Variants in SFXN4 observed in about 807,000 individuals in gnomAD.
SFXN4 encodes the protein sideroflexin 4.
In SFXN4, 48 loss-of-function variants were observed where a neutral mutation model predicts 54.6. That is an observed-to-expected ratio of 0.88 (90% CI 0.70 to 1.12). SFXN4 has a LOEUF of 1.12. Among genes scored for constraint, SFXN4 ranks in the 50% most tolerant of loss-of-function variants. SFXN4 has a pLI of 0.00. For synonymous variants in SFXN4, 130 were observed against 145.5 expected, an observed-to-expected ratio of 0.89 and a Z score of 0.77; for missense variants, 383 against 409.2, an observed-to-expected ratio of 0.94 and a Z score of 0.55.
intron 11 of SFXN4, among the ~76,000 whole-genome samples, chr10:119,151,417 T>G (rs1589632883): frequency 2.3e-4 from 3 of 12,982 alleles, no homozygotes; most frequent in Non-Finnish European, 2.8e-4. Flanking sequence ...TCCCTAGGGC[T>G]GGGGGTGGGG....
intron 3 of SFXN4, 44 bp from the exon 4 acceptor site, chr10:119,161,125 T>G (rs1303355270): frequency 6.2e-7 from 1 of 1,606,456 alleles, no homozygotes; most frequent in African/African-American, 1.3e-5. Context: ...TTTAAATTTT[T>G]TTTAAGAGAC....
intron 11 of SFXN4, 82 bp from the exon 12 acceptor site, chr10:119,147,942 G>A (rs545146458): frequency 2.9e-5 from 32 of 1,096,220 alleles, no homozygotes; most frequent in African/African-American, 2.5e-4. Context: ...AGGCCGAGGC[G>A]GGTAGATCGC....
chr10:119,151,515 TTTATTA>T (rs1554886774), intron 11 of SFXN4, among the ~76,000 whole-genome samples: 3 of 151,864 alleles, frequency 2.0e-5, no homozygotes, highest in Non-Finnish European at 4.4e-5. Flanking sequence ...GTTTCATTTA[TTTATTA>T]TTATTATTTT....
chr10:119,145,476 G>A (rs1416558084), intron 13 of SFXN4, among the ~76,000 whole-genome samples: 1 of 151,858 alleles, frequency 6.6e-6, no homozygotes, highest in Non-Finnish European at 1.5e-5. Context: ...GCTAATTTTT[G>A]TATTTTTAGT....
At position 119,141,244 on chromosome 10, in the gene SFXN4, A is replaced by G. The variant is rs1846509951; in HGVS notation, c.1012T>C (p.Ter338GlnextTer2). 1.2e-6 allele frequency: 2 copies of G among 1,610,232 alleles called. No individual in the cohort carries two copies. Among genetic ancestry groups the G allele is most frequent in the Admixed American group, 1.7e-5 (1 of 59,932 alleles). The change falls in exon 14 of 14, where the codon TAG becomes CAG. Residue 338 changes from the stop codon to glutamine, a stop_lost. Transcript: ENST00000355697. ...ETEIFYHRGV[*>Q] Reference sequence around the variant, plus strand: ...ATAAATTCACCTAAAACTCACGCCTACACCCCTCTGTGATAAAAGATTTCT... The same window carrying G: ...ATAAATTCACCTAAAACTCACGCCTGCACCCCTCTGTGATAAAAGATTTCT...
intron 13 of SFXN4, 100 bp downstream of exon 13, chr10:119,146,136 T>C: frequency 1.4e-6 from 1 of 724,294 alleles, no homozygotes. Context: ...TTATTTTATA[T>C]TTTTATAAAC....
chr10:119,150,429 C>T (rs948304303), intron 11 of SFXN4, among the ~76,000 whole-genome samples: 2 of 152,100 alleles, frequency 1.3e-5, no homozygotes, highest in African/African-American at 2.4e-5. Context: ...CACCTCCCAG[C>T]GCTCTGGGAG....
rs961179677 is a variant in SFXN4, at chr10:119,162,036, C to T, written c.252+304G>A. ...GAATTCTGGGGTTTGCCACTGGGCT[C>T]CAGGAATCAGCTGCAGGGAATCCCC... On this transcript the variant is annotated intron_variant, in intron 3 of 13. Transcript: ENST00000355697. 5 of 401,476 alleles carry T rather than the reference C, an allele frequency of 1.2e-5. No individual in the cohort carries two copies. In the East Asian group the frequency reaches 2.3e-4, roughly 18 times the overall value. The allele number at this position is 401,476 out of a possible 1,614,324, so 24.9% of individuals were successfully genotyped here. A position where few individuals can be genotyped will look rare whatever the true frequency, so the allele number is the denominator to read the frequency against.
intron 13 of SFXN4, among the ~76,000 whole-genome samples, chr10:119,145,899 T>G (rs1247847014): frequency 6.6e-6 from 1 of 152,190 alleles, no homozygotes; most frequent in African/African-American, 2.4e-5. Flanking sequence ...CATGGCTCAC[T>G]GCAGCCTCAA....
At chr10:119,153,441 AG>A (rs1847155774) in intron 11 of SFXN4, among the ~76,000 whole-genome samples, 1 of 152,040 alleles carries the variant, frequency 6.6e-6, no homozygotes. Flanking sequence ...AGAAAGAAGA[AG>A]AAAAAGAAGA....
chr10:119,157,339 G>A (rs1467863088), intron 9 of SFXN4, among the ~76,000 whole-genome samples: 1 of 151,280 alleles, frequency 6.6e-6, no homozygotes, highest in Non-Finnish European at 1.5e-5. Flanking sequence ...GCTGAGGCAG[G>A]AGAATCACTT....
At chr10:119,146,144 A>G in intron 13 of SFXN4, 92 bp downstream of exon 13, 1 of 754,118 alleles carries the variant, frequency 1.3e-6, no homozygotes, top group Non-Finnish European at 2.2e-6. Context: ...TATTTTTATA[A>G]ACTTTGCAGA....
rs1846499497 is a variant in SFXN4, at chr10:119,141,059, G to T, written c.*183C>A. The T allele has an allele frequency of 5.9e-6, 3 of 506,726 alleles. No homozygotes were observed. The highest frequency in any genetic ancestry group is 1.1e-5 in the Non-Finnish European group (3 of 281,186). The allele number at this position is 506,726 out of a possible 1,614,324, so 31.4% of individuals were successfully genotyped here. A position where few individuals can be genotyped will look rare whatever the true frequency, so the allele number is the denominator to read the frequency against. On this transcript the variant is annotated 3_prime_UTR_variant, in exon 14 of 14. Coordinates refer to ENST00000355697, the MANE Select transcript of SFXN4 (RefSeq NM_213649.2). Reference sequence around the variant, plus strand: ...GGGCACCCTCCCACTGTCTTCTCCAGCCAGCCTTAAAAACCCCAGAGACGC... The same window carrying T: ...GGGCACCCTCCCACTGTCTTCTCCATCCAGCCTTAAAAACCCCAGAGACGC...
At chr10:119,157,953 A>G in intron 7 of SFXN4, 26 bp from the exon 8 acceptor site, 3 of 1,614,204 alleles carry the variant, frequency 1.9e-6, no homozygotes, top group Middle Eastern at 1.6e-4. Context: ...AATGGATCGC[A>G]TTTTCGTTTC....
chr10:119,158,075 C>T lies in SFXN4; in HGVS notation c.361-13G>A. The T allele has an allele frequency of 6.2e-7, 1 of 1,613,124 alleles. No individual in the cohort carries two copies. Among genetic ancestry groups the T allele is most frequent in the Non-Finnish European group, 8.5e-7 (1 of 1,179,072 alleles). The stretch of plus-strand genomic sequence containing the variant: ...TTGACAAAAATACCTTTTAAGAAGA[C>T]AGTGGAACAGAGTTACAAGTGTTGC... On this transcript the variant is annotated splice_polypyrimidine_tract_variant and intron_variant, in intron 6 of 13. Coordinates refer to ENST00000355697, the MANE Select transcript of SFXN4 (RefSeq NM_213649.2).
At chr10:119,165,209 C>T in intron 1 of SFXN4, 2 of 1,074,196 alleles carry the variant, frequency 1.9e-6, no homozygotes, top group Non-Finnish European at 1.1e-6. Flanking sequence ...TACCAAGGTG[C>T]GAGAGCCTGT....
rs377410779 is a variant in SFXN4 at position 119,158,013 on chromosome 10, G to A, written c.410C>T (p.Pro137Leu). Residue 137 changes from proline (P) to leucine (L), a missense_variant, in exon 7 of 14, where the codon CCT becomes CTT. Pro to Leu is a moderately conservative substitution (Grantham distance 98). Coordinates refer to ENST00000355697, the MANE Select transcript of SFXN4 (RefSeq NM_213649.2). Reference protein sequence around the residue: ...PLKGIKSVILPQVFLCAYMAA... With the variant: ...PLKGIKSVILLQVFLCAYMAA... Reference sequence around the variant, plus strand: ...TGAAACAGGAAGAATGGCTACCTGAGGTAAAATCACGGACTTGATCCCTTT... The same window carrying A: ...TGAAACAGGAAGAATGGCTACCTGAAGTAAAATCACGGACTTGATCCCTTT... 77 of 1,613,992 alleles carry A rather than the reference G, an allele frequency of 4.8e-5. 1 individual carries two copies. In the Middle Eastern group the frequency reaches 6.1e-3, roughly 127 times the overall value.
At position 119,153,428 on chromosome 10, in the gene SFXN4, AAAAG is replaced by A. The variant is rs780509246; in HGVS notation, c.732+1630_732+1633del. On this transcript the variant is annotated intron_variant, in intron 11 of 13. Transcript: ENST00000355697. ...AAAAAAAAAAAAAAGAAAGAAAAGA[AAAAG>A]AAAGAAGAAGAAAAAGAAGAAACTA... is the stretch of plus-strand genomic sequence containing the variant. Among the ~76,000 whole-genome samples the A allele has an allele frequency of 7.7e-4, 117 of 152,046 alleles. 1 individual carries two copies. Among genetic ancestry groups the A allele is most frequent in the Middle Eastern group, 6.8e-3 (2 of 294 alleles).
intron 13 of SFXN4, among the ~76,000 whole-genome samples, chr10:119,144,288 C>T (rs1361017750): frequency 6.6e-6 from 1 of 152,028 alleles, no homozygotes; most frequent in African/African-American, 2.4e-5. Flanking sequence ...AACCCCATTT[C>T]TACTAAAAAA....
Sources: gnomAD v4.1 joint callset for allele counts (sites outside exome capture counted in the v4.1 genomes callset) on GRCh38, gnomAD v4.1.1 for gene constraint, MANE v1.5 for transcripts, NCBI Gene and HGNC (gene_info 2026-07-23, HGNC 2026-07-21) for gene names.